Variants in LRRTM4 observed in about 807,000 individuals in gnomAD.
The protein encoded by LRRTM4 is leucine-rich repeat transmembrane neuronal protein 4.
A neutral mutation model predicts 47.6 loss-of-function variants in LRRTM4; 25 were observed. The ratio of observed to expected loss-of-function variants is 0.53; its 90% CI spans 0.38 to 0.73. The LOEUF is 0.73. LRRTM4 is among the 30% of genes least tolerant of loss of function. LRRTM4 has a pLI of 0.00. For synonymous variants in LRRTM4, 311 were observed against 269.5 expected, an observed-to-expected ratio of 1.15 and a Z score of -1.51; for missense variants, 638 against 713.4, an observed-to-expected ratio of 0.89 and a Z score of 1.20.
intron 3 of LRRTM4, among the ~76,000 whole-genome samples, chr2:77,245,259 G>A (rs1262783464): frequency 1.3e-5 from 2 of 151,930 alleles, no homozygotes; most frequent in Non-Finnish European, 2.9e-5. Context: ...AGTTACTGAT[G>A]TTCATGGCCA....
intron 3 of LRRTM4, among the ~76,000 whole-genome samples, chr2:77,090,429 G>A (rs759384066): frequency 1.4e-4 from 22 of 151,944 alleles, no homozygotes; most frequent in Non-Finnish European, 2.6e-4. Flanking sequence ...ATCTGCTCCC[G>A]ACATTAAATA....
chr2:76,768,345 CA>C (rs561377603), intron 3 of LRRTM4, among the ~76,000 whole-genome samples: 6 of 151,954 alleles, frequency 3.9e-5, no homozygotes, highest in Non-Finnish European at 8.8e-5. Context: ...TTAGTCTGGC[CA>C]ACACTGTGAT....
intron 3 of LRRTM4, among the ~76,000 whole-genome samples, chr2:77,178,307 GC>G (rs1303549402): frequency 1.3e-5 from 2 of 152,094 alleles, no homozygotes; most frequent in African/African-American, 4.8e-5. Flanking sequence ...CTTTATTTCT[GC>G]TGGGCGCGGT....
chr2:76,931,796 T>C (rs1674777792), intron 3 of LRRTM4, among the ~76,000 whole-genome samples: 1 of 152,132 alleles, frequency 6.6e-6, no homozygotes, highest in Non-Finnish European at 1.5e-5. Flanking sequence ...CTACCAACCA[T>C]ACCCTAGTTT....
At chr2:77,033,408 T>G (rs1678728658) in intron 3 of LRRTM4, among the ~76,000 whole-genome samples, 1 of 148,070 alleles carries the variant, frequency 6.8e-6, no homozygotes, top group Non-Finnish European at 1.5e-5. Flanking sequence ...CTCATAAATA[T>G]GTAAGCAATA....
At chr2:77,450,949 A>G (rs1379386917) in intron 3 of LRRTM4, among the ~76,000 whole-genome samples, 1 of 152,156 alleles carries the variant, frequency 6.6e-6, no homozygotes, top group South Asian at 2.1e-4. Context: ...TTAGCATTCA[A>G]AGAGTTCAAC....
intron 3 of LRRTM4, among the ~76,000 whole-genome samples, chr2:76,963,360 T>C (rs552112793): frequency 9.9e-4 from 150 of 150,786 alleles, no homozygotes; most frequent in Non-Finnish European, 1.6e-3. Flanking sequence ...TCTGGAACTA[T>C]CTCCTTAGAA....
intron 3 of LRRTM4, among the ~76,000 whole-genome samples, chr2:77,434,669 C>A (rs72811224): frequency 6.6e-6 from 1 of 152,118 alleles, no homozygotes; most frequent in Non-Finnish European, 1.5e-5. Flanking sequence ...GTGTTCAGTA[C>A]TTTGCATGCA....
intron 3 of LRRTM4, among the ~76,000 whole-genome samples, chr2:77,027,523 G>A (rs1478845184): frequency 6.6e-6 from 1 of 152,076 alleles, no homozygotes; most frequent in Non-Finnish European, 1.5e-5. Flanking sequence ...GTCTTATGGT[G>A]GAAACTATTT....
intron 3 of LRRTM4, among the ~76,000 whole-genome samples, chr2:77,365,334 T>G (rs2103755298): frequency 6.6e-6 from 1 of 152,170 alleles, no homozygotes; most frequent in South Asian, 2.1e-4. Flanking sequence ...AACTACATCC[T>G]TCTAAGCCTG....
intron 3 of LRRTM4, among the ~76,000 whole-genome samples, chr2:77,090,635 C>A (rs367641652): frequency 1.3e-4 from 20 of 152,284 alleles, no homozygotes; most frequent in African/African-American, 4.8e-4. Flanking sequence ...AGAACCTCCT[C>A]CCCCAGGAGC....
chr2:77,004,689 C>G (rs772161804), intron 3 of LRRTM4, among the ~76,000 whole-genome samples: 8 of 152,124 alleles, frequency 5.3e-5, no homozygotes, highest in Non-Finnish European at 1.0e-4. Flanking sequence ...AATGGTAGAT[C>G]CACTGACAAC....
chr2:77,160,976 T>C lies in LRRTM4; in HGVS notation c.1551+357342A>G, dbSNP rs115726872. 5.5e-3 allele frequency among the ~76,000 whole-genome samples: 832 copies of C among 152,234 alleles called. 12 individuals carry two copies. The highest frequency in any genetic ancestry group is 0.02 in the African/African-American group (812 of 41,540). ...GTTCCATGGCAGCCTACATGAAAGATTAAGGAATTTGTTTTTACTTTTAAA... is the reference window on the plus strand; with the variant it reads ...GTTCCATGGCAGCCTACATGAAAGACTAAGGAATTTGTTTTTACTTTTAAA... On this transcript the variant is annotated intron_variant, in intron 3 of 3. Coordinates refer to ENST00000409884, the MANE Select transcript of LRRTM4 (RefSeq NM_001134745.3).
intron 3 of LRRTM4, among the ~76,000 whole-genome samples, chr2:77,107,316 A>G (rs896859555): frequency 1.3e-5 from 2 of 152,078 alleles, no homozygotes; most frequent in African/African-American, 4.8e-5. Flanking sequence ...TGCAAAAAAT[A>G]TGCTTGATTA....
At chr2:77,321,651 T>G (rs1463316777) in intron 3 of LRRTM4, among the ~76,000 whole-genome samples, 1 of 151,946 alleles carries the variant, frequency 6.6e-6, no homozygotes, top group Admixed American at 6.6e-5. Flanking sequence ...GGGGGAAATA[T>G]CCTCATATTT....
intron 3 of LRRTM4, among the ~76,000 whole-genome samples, chr2:77,044,555 TGA>T (rs879713760): frequency 2.0e-5 from 3 of 150,922 alleles, no homozygotes. Context: ...TGTGTGTCTG[TGA>T]GTGTGTGTGT....
intron 3 of LRRTM4, among the ~76,000 whole-genome samples, chr2:77,412,258 C>T (rs1240592743): frequency 6.6e-6 from 1 of 152,160 alleles, no homozygotes; most frequent in Non-Finnish European, 1.5e-5. Context: ...GCAGTACAAT[C>T]AAGATTCTAG....
intron 3 of LRRTM4, among the ~76,000 whole-genome samples, chr2:77,289,530 T>A (rs1676761196): frequency 6.6e-6 from 1 of 152,036 alleles, no homozygotes; most frequent in Admixed American, 6.6e-5. Flanking sequence ...CAAAGAAACT[T>A]GTTATTTTAT....
chr2:76,814,966 C>G (rs1670858278), intron 3 of LRRTM4, among the ~76,000 whole-genome samples: 1 of 151,980 alleles, frequency 6.6e-6, no homozygotes, highest in South Asian at 2.1e-4. Flanking sequence ...TGGAAGGACA[C>G]ATAAGAAACT....
Sources: gnomAD v4.1 joint callset for allele counts (sites outside exome capture counted in the v4.1 genomes callset) on GRCh38, gnomAD v4.1.1 for gene constraint, MANE v1.5 for transcripts, NCBI Gene and HGNC (gene_info 2026-07-23, HGNC 2026-07-21) for gene names.